CD44: variants seen among roughly 807,000 people sequenced by gnomAD.
The protein encoded by CD44 is CD44 molecule (IN blood group), also known as CD44 antigen.
CD44 carries 49 observed loss-of-function variants against 88.8 expected under a neutral mutation model. The observed-to-expected ratio is 0.55, with a 90% CI of 0.44 to 0.70. CD44 has a LOEUF of 0.70. Among genes scored for constraint, CD44 ranks in the 30% least tolerant of loss-of-function variants. The probability of loss-of-function intolerance (pLI) is 0.00; values close to 1 mark genes in which losing one functional copy is unlikely to be tolerated. For synonymous variants in CD44, 325 were observed against 312.3 expected (o/e 1.04, Z -0.43); for missense variants, 883 against 913.8 (o/e 0.97, Z 0.43).
At chr11:35,209,844 C>A in intron 12 of CD44, 121 bp from the exon 13 acceptor site, 1 of 638,744 alleles carries the variant, frequency 1.6e-6, no homozygotes, top group Non-Finnish European at 2.7e-6. Flanking sequence ...GTGCACAAAC[C>A]TTGGTCTTCC....
chr11:35,180,399 A>G lies in CD44; in HGVS notation c.359A>G (p.Asn120Ser), dbSNP rs1367655771. The change falls in exon 3 of 18, where the codon AAT (asparagine) becomes AGT (serine). Residue 120 changes from asparagine (N) to serine (S), a missense_variant. Physicochemically the swap from Asn to Ser is conservative, Grantham distance 46. Transcript: ENST00000428726. ...NTSQYDTYCFNASAPPEEDCT... is the reference protein window; with the variant it reads ...NTSQYDTYCFSASAPPEEDCT... ...TCCCAGTATGACACATATTGCTTCA[A>G]TGCTTCAGGTTGGTTCTCAGGGGGG... is the stretch of plus-strand genomic sequence containing the variant. The G allele has an allele frequency of 6.2e-7, 1 of 1,613,966 alleles. No homozygotes were observed. The highest frequency in any genetic ancestry group is 8.5e-7 in the Non-Finnish European group (1 of 1,179,970).
rs80179093 is a variant in CD44 at position 35,210,155 on chromosome 11, C to T, written c.1606+101C>T. The T allele has an allele frequency of 4.2e-3, 2,633 of 628,208 alleles. 6 individuals carry two copies. The highest frequency in any genetic ancestry group is 5.9e-3 in the Non-Finnish European group (2,179 of 370,422). 38.9% of individuals were successfully genotyped at this position (628,208 alleles called of 1,614,324 possible). A position where few individuals can be genotyped will look rare whatever the true frequency, so the allele number is the denominator to read the frequency against. ...TGGTGGAGGTGCATCCATTAGCTGC[C>T]GTTACACTGTTACTTTTAATCAAAA... On this transcript the variant is annotated intron_variant, in intron 13 of 17. Transcript: ENST00000428726.
intron 1 of CD44, among the ~76,000 whole-genome samples, chr11:35,164,486 A>T (rs1321979340): frequency 6.6e-6 from 1 of 152,226 alleles, no homozygotes; most frequent in Non-Finnish European, 1.5e-5. Context: ...GAGGAAAGAA[A>T]ATCAAATTTG....
chr11:35,165,527 G>A (rs1943157922), intron 1 of CD44, among the ~76,000 whole-genome samples: 1 of 152,216 alleles, frequency 6.6e-6, no homozygotes, highest in Admixed American at 6.5e-5. Flanking sequence ...GGCAAGAATA[G>A]CAAAGCCTGA....
chr11:35,172,541 A>T (rs1201212954), intron 1 of CD44, among the ~76,000 whole-genome samples: 2 of 152,152 alleles, frequency 1.3e-5, no homozygotes, highest in African/African-American at 2.4e-5. Context: ...TCCCAAATTG[A>T]TGTGGATGGC....
chr11:35,139,259 T>C lies in CD44; in HGVS notation c.-45T>C. The C allele has an allele frequency of 6.6e-7, 1 of 1,503,944 alleles. No homozygotes were observed. The highest frequency in any genetic ancestry group is 9.1e-7 in the Non-Finnish European group (1 of 1,103,634). 93.2% of individuals were successfully genotyped at this position (1,503,944 alleles called of 1,614,324 possible). ...CCGGCCCCTGCCCCGCGCCCAGGGA[T>C]CCTCCAGCTCCTTTCGCCCGCGCCC... is the stretch of plus-strand genomic sequence containing the variant. On this transcript the variant is annotated 5_prime_UTR_variant, in exon 1 of 18. Transcript: ENST00000428726.
intron 17 of CD44, chr11:35,222,986 T>C: frequency 1.0e-6 from 1 of 985,394 alleles, no homozygotes; most frequent in Non-Finnish European, 1.2e-6. Context: ...GGGCAGCCCA[T>C]ACAGTCTCTA....
intron 11 of CD44, among the ~76,000 whole-genome samples, chr11:35,206,668 GT>G (rs755804294): frequency 0.018 from 2,197 of 123,782 alleles, 42 homozygotes; most frequent in African/African-American, 0.069. Context: ...GTGGGGGTTG[GT>G]GGGGGGGGCA....
chr11:35,158,129 T>A (rs1219375945), intron 1 of CD44, among the ~76,000 whole-genome samples: 2 of 152,218 alleles, frequency 1.3e-5, no homozygotes, highest in African/African-American at 4.8e-5. Context: ...GGAAAACTCA[T>A]CTGGTTTCTT....
Position 35,164,172 on chromosome 11 carries a change from G to T in CD44, c.68-12403G>T, listed in dbSNP as rs561123983. Reference sequence around the variant, plus strand: ...CCATTCACATACATTTCATGCCCCAGGGTGAGAATCCACATATCCCAAGCA... The same window carrying T: ...CCATTCACATACATTTCATGCCCCATGGTGAGAATCCACATATCCCAAGCA... On this transcript the variant is annotated intron_variant, in intron 1 of 17. Transcript: ENST00000428726. Among the ~76,000 whole-genome samples, 16 of 152,026 alleles carry T rather than the reference G, an allele frequency of 1.1e-4. No homozygotes were observed. In the South Asian group the frequency reaches 3.3e-3, roughly 32 times the overall value.
At chr11:35,148,929 G>A in intron 1 of CD44, among the ~76,000 whole-genome samples, 1 of 151,824 alleles carries the variant, frequency 6.6e-6, no homozygotes, top group Non-Finnish European at 1.5e-5. Context: ...ATTGCTACTT[G>A]TAGCGATCCT....
intron 15 of CD44, 46 bp downstream of exon 15, chr11:35,214,960 C>G: frequency 8.8e-6 from 11 of 1,254,384 alleles, no homozygotes; most frequent in Non-Finnish European, 1.2e-5. Context: ...AATCATTGAG[C>G]CTAATGATGA....
intron 1 of CD44, among the ~76,000 whole-genome samples, chr11:35,145,285 T>C (rs529057390): frequency 6.6e-6 from 1 of 152,326 alleles, no homozygotes; most frequent in East Asian, 1.9e-4. Context: ...TGAACTGCAA[T>C]GAATGTCTAG....
chr11:35,172,533 C>T (rs1944019914), intron 1 of CD44, among the ~76,000 whole-genome samples: 1 of 152,072 alleles, frequency 6.6e-6, no homozygotes, highest in Admixed American at 6.5e-5. Context: ...TTTTTTTCTC[C>T]CAAATTGATG....
In CD44 at chr11:35,222,269, T is replaced by C. The variant is rs555058212; in HGVS notation, c.2024+537T>C. On this transcript the variant is annotated intron_variant, in intron 17 of 17. Coordinates refer to ENST00000428726, the MANE Select transcript of CD44 (RefSeq NM_000610.4). ...TAAGAACTTTTACCAGAAGGAAGTA[T>C]TGGCCTTGTGCTTTTGTTTGTCGTT... 1.3e-4 allele frequency: 64 copies of C among 497,736 alleles called. 1 individual carries two copies. Among genetic ancestry groups the C allele is most frequent in the South Asian group, 9.7e-4 (58 of 59,910 alleles). The allele number at this position is 497,736 out of a possible 1,614,324, so 30.8% of individuals were successfully genotyped here. A position where few individuals can be genotyped will look rare whatever the true frequency, so the allele number is the denominator to read the frequency against.
At chr11:35,206,333 T>C in intron 11 of CD44, 90 bp downstream of exon 11, 1 of 1,317,472 alleles carries the variant, frequency 7.6e-7, no homozygotes, top group Non-Finnish European at 1.0e-6. Context: ...CCCTTGGTTT[T>C]AGACCAAACT....
At chr11:35,189,692 A>C in intron 4 of CD44, 143 bp from the exon 5 acceptor site, 1 of 653,336 alleles carries the variant, frequency 1.5e-6, no homozygotes, top group Non-Finnish European at 2.8e-6. Context: ...TTCTTAGTGC[A>C]TCTGCCACTC....
In CD44 at chr11:35,201,206, C is replaced by T. The variant is rs1591227734; in HGVS notation, c.1036+11C>T. On this transcript the variant is annotated intron_variant, in intron 8 of 17. Coordinates refer to ENST00000428726, the MANE Select transcript of CD44 (RefSeq NM_000610.4). ...CCACAAGGATGACTGGTAATGGGTT[C>T]TGCATATTTAATGAAAGATTTTTTT... The T allele has an allele frequency of 3.2e-6, 5 of 1,567,636 alleles. No homozygotes were observed. In the East Asian group the frequency reaches 1.1e-4, roughly 35 times the overall value.
At chr11:35,162,919 C>T (rs1942813799) in intron 1 of CD44, among the ~76,000 whole-genome samples, 1 of 152,014 alleles carries the variant, frequency 6.6e-6, no homozygotes, top group Non-Finnish European at 1.5e-5. Context: ...CATGTACACC[C>T]ATGTTCGCTT....
Sources: gnomAD v4.1 joint callset for allele counts (sites outside exome capture counted in the v4.1 genomes callset) on GRCh38, gnomAD v4.1.1 for gene constraint, MANE v1.5 for transcripts, NCBI Gene and HGNC (gene_info 2026-07-23, HGNC 2026-07-21) for gene names.